Variants in SEMA6D observed in about 807,000 individuals in gnomAD.
SEMA6D encodes the protein semaphorin 6D, also known as semaphorin-6D.
In SEMA6D, 35 loss-of-function variants were observed where a neutral mutation model predicts 106.6. The observed-to-expected ratio is 0.33, with a 90% CI of 0.25 to 0.44. SEMA6D has a LOEUF of 0.44. SEMA6D is among the 20% of genes least tolerant of loss of function. The pLI is 1.00. For missense variants in SEMA6D, 1,185 were observed against 1,345.9 expected (o/e 0.88, Z 1.87); for synonymous variants, 499 against 487.7 (o/e 1.02, Z -0.31).
chr15:47,435,380 G>C (rs2041668644), intron 2 of SEMA6D, among the ~76,000 whole-genome samples: 1 of 152,052 alleles, frequency 6.6e-6, no homozygotes, highest in Admixed American at 6.6e-5. Context: ...ATCTTCTGTA[G>C]CAAAATTTGG....
intron 2 of SEMA6D, among the ~76,000 whole-genome samples, chr15:47,458,965 T>G (rs769268674): frequency 1.1e-4 from 16 of 152,058 alleles, no homozygotes; most frequent in Non-Finnish European, 2.1e-4. Flanking sequence ...CTCCTAGTAT[T>G]CATGGCTTTG....
At chr15:47,501,724 C>T (rs1395793823) in intron 3 of SEMA6D, among the ~76,000 whole-genome samples, 2 of 152,210 alleles carry the variant, frequency 1.3e-5, no homozygotes, top group East Asian at 3.9e-4. Context: ...TTTAATAAAC[C>T]ATTATTTGAT....
At chr15:47,373,523 C>G (rs1410799114) in intron 1 of SEMA6D, among the ~76,000 whole-genome samples, 1 of 152,046 alleles carries the variant, frequency 6.6e-6, no homozygotes, top group African/African-American at 2.4e-5. Flanking sequence ...CAAAAAGGGC[C>G]TTTGTAGAGG....
chr15:47,433,277 A>C (rs918666631), intron 2 of SEMA6D, among the ~76,000 whole-genome samples: 3 of 152,072 alleles, frequency 2.0e-5, no homozygotes, highest in Non-Finnish European at 2.9e-5. Flanking sequence ...TTACTGGAAT[A>C]CTAATAAAAG....
At chr15:47,385,592 A>G (rs931688927) in intron 1 of SEMA6D, among the ~76,000 whole-genome samples, 2 of 152,204 alleles carry the variant, frequency 1.3e-5, no homozygotes, top group African/African-American at 2.4e-5. Flanking sequence ...CAAAGCGTAC[A>G]GGTCCAGAGG....
intron 2 of SEMA6D, among the ~76,000 whole-genome samples, chr15:47,421,930 C>A (rs59428292): frequency 0.18 from 27,055 of 151,814 alleles, 2,829 homozygotes; most frequent in South Asian, 0.29. Context: ...AAATAAAATT[C>A]TATTGTCTCC....
chr15:47,314,459 G>A (rs544415168), intron 1 of SEMA6D, among the ~76,000 whole-genome samples: 2 of 148,616 alleles, frequency 1.3e-5, no homozygotes, highest in South Asian at 2.2e-4. Context: ...TTAGCCGGGC[G>A]TAGTGGCGGG....
chr15:47,554,139 G>A (rs1334708455), intron 3 of SEMA6D, among the ~76,000 whole-genome samples: 1 of 152,230 alleles, frequency 6.6e-6, no homozygotes, highest in Non-Finnish European at 1.5e-5. Flanking sequence ...AGAAAGTTGA[G>A]CAACAGGAAG....
chr15:47,525,622 C>G (rs1444250036), intron 3 of SEMA6D, among the ~76,000 whole-genome samples: 1 of 152,144 alleles, frequency 6.6e-6, no homozygotes, highest in Non-Finnish European at 1.5e-5. Context: ...CCTAGGGAGC[C>G]TCACTTCTAA....
chr15:47,728,449 C>T (rs1040588177), intron 1 of SEMA6D, among the ~76,000 whole-genome samples: 7 of 152,196 alleles, frequency 4.6e-5, no homozygotes, highest in African/African-American at 1.7e-4. Context: ...TTATTGAGTT[C>T]TTAATCTGTG....
chr15:47,759,500 A>G (rs913790150), intron 1 of SEMA6D, among the ~76,000 whole-genome samples: 6 of 152,140 alleles, frequency 3.9e-5, no homozygotes, highest in African/African-American at 1.2e-4. Context: ...ATGACATACA[A>G]TTACCTCCAA....
chr15:47,491,848 T>C (rs1310163321), intron 3 of SEMA6D, among the ~76,000 whole-genome samples: 1 of 152,190 alleles, frequency 6.6e-6, no homozygotes, highest in Admixed American at 6.5e-5. Context: ...CCTCATGGTT[T>C]GTGCCTGCCT....
chr15:47,617,707 A>G (rs983480696), intron 4 of SEMA6D, among the ~76,000 whole-genome samples: 1 of 152,212 alleles, frequency 6.6e-6, no homozygotes, highest in Non-Finnish European at 1.5e-5. Flanking sequence ...CTGTTGACCT[A>G]AGGCAAGACT....
intron 2 of SEMA6D, among the ~76,000 whole-genome samples, chr15:47,444,482 T>G (rs987387015): frequency 1.3e-5 from 2 of 152,092 alleles, no homozygotes; most frequent in Admixed American, 6.6e-5. Flanking sequence ...TGAAGGCTGC[T>G]TTGCTCCCTC....
At chr15:47,739,437 AC>A (rs547419688) in intron 1 of SEMA6D, among the ~76,000 whole-genome samples, 13 of 151,268 alleles carry the variant, frequency 8.6e-5, no homozygotes, top group Non-Finnish European at 1.2e-4. Context: ...GTATTCCACC[AC>A]CCCCCGCCCA....
chr15:47,343,013 C>T (rs2037884550), intron 1 of SEMA6D, among the ~76,000 whole-genome samples: 2 of 152,070 alleles, frequency 1.3e-5, no homozygotes, highest in African/African-American at 4.8e-5. Context: ...GCGCCCAGCC[C>T]TCAAATTACT....
At position 47,407,918 on chromosome 15, in the gene SEMA6D, T is replaced by TTGG. The variant is rs551506630; in HGVS notation, c.-238-4462_-238-4460dup. ...ACCCCTTCTCCCTCCTTTCTGCACC[T>TTGG]TGGTGGTGGTGGTGGGGTGGGGGTG... is the stretch of plus-strand genomic sequence containing the variant. On this transcript the variant is annotated intron_variant, in intron 1 of 19. Transcript: ENST00000558014. 2.2e-4 allele frequency among the ~76,000 whole-genome samples: 33 copies of TTGG among 152,170 alleles called. No homozygotes were observed. In the South Asian group the frequency reaches 6.6e-3, roughly 31 times the overall value.
chr15:47,568,774 A>C (rs1470717889), intron 3 of SEMA6D, among the ~76,000 whole-genome samples: 2 of 152,202 alleles, frequency 1.3e-5, no homozygotes, highest in Non-Finnish European at 2.9e-5. Flanking sequence ...CTTCATCTTA[A>C]GAATTAGTGT....
chr15:47,769,045 C>T (rs188647117), intron 18 of SEMA6D, among the ~76,000 whole-genome samples: 2 of 152,248 alleles, frequency 1.3e-5, no homozygotes, highest in East Asian at 1.9e-4. Context: ...CAGGGAATTT[C>T]GAGGGTCACC....
Sources: allele counts gnomAD v4.1 joint callset (sites outside exome capture counted in the v4.1 genomes callset), GRCh38; gene constraint gnomAD v4.1.1; transcripts MANE v1.5; gene names NCBI Gene and HGNC (gene_info 2026-07-23, HGNC 2026-07-21).